Variants in RBMS3 observed in about 807,000 individuals in gnomAD.
The protein encoded by RBMS3 is RNA binding motif single stranded interacting protein 3.
In RBMS3, 27 loss-of-function variants were observed where a neutral mutation model predicts 66.8. The ratio of observed to expected loss-of-function variants is 0.40; its 90% CI spans 0.30 to 0.56. RBMS3 has a LOEUF of 0.56. RBMS3 is among the 20% of genes least tolerant of loss of function. The pLI is 0.40. For missense variants in RBMS3, 513 were observed against 549.5 expected (o/e 0.93, Z 0.66); for synonymous variants, 188 against 183.0 (o/e 1.03, Z -0.22).
At chr3:29,763,837 T>A (rs988036956) in intron 6 of RBMS3, among the ~76,000 whole-genome samples, 6 of 152,046 alleles carry the variant, frequency 3.9e-5, no homozygotes, top group Non-Finnish European at 8.8e-5. Flanking sequence ...ACGTAAAGAT[T>A]CATCTGAATA....
chr3:29,361,124 A>T (rs1005489390), intron 1 of RBMS3, among the ~76,000 whole-genome samples: 2 of 151,960 alleles, frequency 1.3e-5, no homozygotes, highest in Non-Finnish European at 2.9e-5. Flanking sequence ...CGTTACTTGA[A>T]GCAGTTTCTT....
chr3:29,868,150 G>T (rs2059404800), intron 6 of RBMS3, among the ~76,000 whole-genome samples: 2 of 152,166 alleles, frequency 1.3e-5, no homozygotes, highest in Non-Finnish European at 2.9e-5. Context: ...TCAGACATCA[G>T]TTTTGGTCAC....
At chr3:29,592,325 C>T (rs1225665029) in intron 4 of RBMS3, among the ~76,000 whole-genome samples, 1 of 151,856 alleles carries the variant, frequency 6.6e-6, no homozygotes, top group South Asian at 2.1e-4. Context: ...AACCAAACAA[C>T]CTCATAAAAA....
intron 2 of RBMS3, among the ~76,000 whole-genome samples, chr3:29,435,883 G>T (rs184600873): frequency 1.0e-3 from 138 of 134,488 alleles, no homozygotes; most frequent in Non-Finnish European, 1.9e-3. Flanking sequence ...GCTGAGGCAG[G>T]AGAATGGCGT....
intron 4 of RBMS3, among the ~76,000 whole-genome samples, chr3:29,732,507 T>C (rs771397836): frequency 6.6e-6 from 1 of 152,156 alleles, no homozygotes; most frequent in Non-Finnish European, 1.5e-5. Flanking sequence ...AGTTGACACA[T>C]AAAATTAACT....
chr3:29,401,797 T>G (rs979768879), intron 1 of RBMS3, among the ~76,000 whole-genome samples: 2 of 152,048 alleles, frequency 1.3e-5, no homozygotes, highest in African/African-American at 4.8e-5. Flanking sequence ...GCAGAAAAAC[T>G]TTAGTGCTTA....
At chr3:29,990,066 T>C (rs1438996700) in intron 13 of RBMS3, among the ~76,000 whole-genome samples, 1 of 152,158 alleles carries the variant, frequency 6.6e-6, no homozygotes, top group African/African-American at 2.4e-5. Flanking sequence ...TATATTGCCT[T>C]GAACCAGTGA....
intron 4 of RBMS3, among the ~76,000 whole-genome samples, chr3:29,689,727 T>C (rs1012464810): frequency 1.3e-5 from 2 of 151,712 alleles, no homozygotes; most frequent in Non-Finnish European, 2.9e-5. Flanking sequence ...AAAAATAACT[T>C]TTATTACAAA....
chr3:29,565,249 A>C (rs2046700531), intron 3 of RBMS3, among the ~76,000 whole-genome samples: 1 of 152,186 alleles, frequency 6.6e-6, no homozygotes, highest in African/African-American at 2.4e-5. Context: ...GTACAGTGTA[A>C]AGGAGAGCTC....
chr3:29,905,507 G>A lies in RBMS3; in HGVS notation c.939+5752G>A, dbSNP rs547372593. ...TTACCAAAGAAACCCTCTATATTTC[G>A]TCCTCTGGCATAAATTTTATGCCAA... On this transcript the variant is annotated intron_variant, in intron 10 of 14. Coordinates refer to ENST00000383767, the MANE Select transcript of RBMS3 (RefSeq NM_001003793.3). 5.9e-5 allele frequency among the ~76,000 whole-genome samples: 9 copies of A among 151,748 alleles called. No homozygotes were observed. The South Asian group carries it at 1.0e-3, about 18-fold the overall frequency.
chr3:29,657,809 T>G (rs748122174), intron 4 of RBMS3, among the ~76,000 whole-genome samples: 37 of 152,310 alleles, frequency 2.4e-4, no homozygotes, highest in South Asian at 8.3e-4. Context: ...TAATGATTGA[T>G]AAATGATACG....
At chr3:29,454,166 C>T (rs913265928) in intron 2 of RBMS3, among the ~76,000 whole-genome samples, 2 of 152,180 alleles carry the variant, frequency 1.3e-5, no homozygotes, top group Non-Finnish European at 2.9e-5. Context: ...TTCCAGGAGG[C>T]CCCAGCTCCC....
intron 3 of RBMS3, among the ~76,000 whole-genome samples, chr3:29,540,093 T>G (rs530040794): frequency 6.6e-6 from 1 of 152,342 alleles, no homozygotes; most frequent in African/African-American, 2.4e-5. Flanking sequence ...TTAAATTAAC[T>G]ATTTAATGTC....
rs13322709 is a variant in RBMS3 at position 29,698,540 on chromosome 3, C to G, written c.400-41180C>G. The stretch of plus-strand genomic sequence containing the variant: ...TTTTATGGATGGTGGGTCAAGATGG[C>G]GGATTCAATGAAATAGTATTTCATA... On this transcript the variant is annotated intron_variant, in intron 4 of 14. Transcript: ENST00000383767. 21,822 of 985,014 alleles carry G rather than the reference C, an allele frequency of 0.022. 3,195 individuals carry two copies. The African/African-American group carries it at 0.33, about 15-fold the overall frequency. 61.0% of individuals were successfully genotyped at this position (985,014 alleles called of 1,614,324 possible). A position where few individuals can be genotyped will look rare whatever the true frequency, so the allele number is the denominator to read the frequency against.
At chr3:29,395,351 T>C (rs2039498787) in intron 1 of RBMS3, among the ~76,000 whole-genome samples, 1 of 152,190 alleles carries the variant, frequency 6.6e-6, no homozygotes, top group African/African-American at 2.4e-5. Context: ...TATGTATTTG[T>C]AAAACGGCAT....
intron 12 of RBMS3, among the ~76,000 whole-genome samples, chr3:29,973,429 A>G (rs1329147525): frequency 6.6e-6 from 1 of 152,022 alleles, no homozygotes; most frequent in Non-Finnish European, 1.5e-5. Context: ...TGTAAGATTA[A>G]CAAGGAGAAA....
intron 1 of RBMS3, among the ~76,000 whole-genome samples, chr3:29,283,488 G>C (rs2031999223): frequency 6.6e-6 from 1 of 152,098 alleles, no homozygotes; most frequent in African/African-American, 2.4e-5. Flanking sequence ...AAAGATGGGG[G>C]GTAAAGAGAG....
At chr3:29,915,690 C>T (rs1387995617) in intron 10 of RBMS3, among the ~76,000 whole-genome samples, 1 of 151,846 alleles carries the variant, frequency 6.6e-6, no homozygotes, top group Non-Finnish European at 1.5e-5. Flanking sequence ...GCAGGAGGTC[C>T]TTTTAGTGGA....
chr3:29,499,137 C>T (rs936097671), intron 3 of RBMS3, among the ~76,000 whole-genome samples: 2 of 152,034 alleles, frequency 1.3e-5, no homozygotes, highest in Non-Finnish European at 2.9e-5. Context: ...GCTATTCACT[C>T]TGTAATATTG....
Sources: allele counts gnomAD v4.1 joint callset (sites outside exome capture counted in the v4.1 genomes callset), GRCh38; gene constraint gnomAD v4.1.1; transcripts MANE v1.5; gene names NCBI Gene and HGNC (gene_info 2026-07-23, HGNC 2026-07-21).